The following GRM5 variants were observed in gnomAD, a reference collection of about 807,000 sequenced individuals.
GRM5 encodes glutamate metabotropic receptor 5.
In GRM5, 19 loss-of-function variants were observed where a neutral mutation model predicts 83.1. That is an observed-to-expected ratio of 0.23 (90% CI 0.16 to 0.34). The LOEUF is 0.34. Ranked by LOEUF, GRM5 falls within the 10% of genes least tolerant of loss-of-function variation. The probability of loss-of-function intolerance (pLI) is 1.00; values close to 1 mark genes in which losing one functional copy is unlikely to be tolerated. For missense variants in GRM5, 1,160 were observed against 1,588.3 expected, an observed-to-expected ratio of 0.73 and a Z score of 4.58; for synonymous variants, 675 against 633.6, an observed-to-expected ratio of 1.07 and a Z score of -0.98.
At chr11:88,865,358 T>G (rs1480618887) in intron 2 of GRM5, among the ~76,000 whole-genome samples, 1 of 152,152 alleles carries the variant, frequency 6.6e-6, no homozygotes, top group African/African-American at 2.4e-5. Context: ...GCTAGCCTTA[T>G]GCAGAAAACG....
At chr11:88,641,592 T>C (rs764808102) in intron 4 of GRM5, among the ~76,000 whole-genome samples, 4 of 152,140 alleles carry the variant, frequency 2.6e-5, no homozygotes, top group Non-Finnish European at 4.4e-5. Flanking sequence ...CAAGATACAA[T>C]GGGGGTTTAG....
At chr11:88,802,875 T>G (rs1295877347) in intron 3 of GRM5, among the ~76,000 whole-genome samples, 1 of 151,676 alleles carries the variant, frequency 6.6e-6, no homozygotes, top group African/African-American at 2.4e-5. Context: ...ATCACAAGCA[T>G]TCTTATACAC....
chr11:88,508,730 G>T lies in GRM5; in HGVS notation c.3501C>A (p.Ser1167=). Residue 1167 remains serine (S), a synonymous_variant, in exon 10 of 10, where the codon TCC becomes TCA. Transcript: ENST00000305447. This position sits in a 1 kb window ranked among gnomAD's most constrained non-coding sequence, Gnocchi z 4.2. ...LEELVALTPP[S]PFRDSVDSGS... Reference sequence around the variant, plus strand: ...CCGAGTCCACCGAGTCTCTGAAGGGGGACGGCGGGGTGAGAGCCACCAGCT... The same window carrying T: ...CCGAGTCCACCGAGTCTCTGAAGGGTGACGGCGGGGTGAGAGCCACCAGCT... The T allele has an allele frequency of 6.3e-7, 1 of 1,585,168 alleles. No homozygotes were observed. The highest frequency in any genetic ancestry group is 8.6e-7 in the Non-Finnish European group (1 of 1,167,338).
At chr11:88,995,618 G>A (rs1239076511) in intron 2 of GRM5, among the ~76,000 whole-genome samples, 1 of 148,428 alleles carries the variant, frequency 6.7e-6, no homozygotes, top group African/African-American at 2.5e-5. Context: ...GTGCACCAAT[G>A]TTGTAGAATA....
intron 2 of GRM5, among the ~76,000 whole-genome samples, chr11:88,855,618 C>T (rs645327): frequency 0.76 from 115,320 of 151,766 alleles, 44,626 homozygotes; most frequent in East Asian, 0.99. Flanking sequence ...AACAACGATG[C>T]TGAATTTTTT....
At chr11:88,928,446 A>ATGTGTGTGTG (rs5793360) in intron 2 of GRM5, among the ~76,000 whole-genome samples, 8 of 144,698 alleles carry the variant, frequency 5.5e-5, no homozygotes, top group African/African-American at 2.0e-4. Flanking sequence ...AATCTATCAT[A>ATGTGTGTGTG]TGTGTGTGTG....
chr11:88,660,100 T>C (rs1939865941), intron 3 of GRM5, among the ~76,000 whole-genome samples: 1 of 152,194 alleles, frequency 6.6e-6, no homozygotes, highest in African/African-American at 2.4e-5. Flanking sequence ...GAGTCAACAG[T>C]CCATTAGGCA....
intron 2 of GRM5, among the ~76,000 whole-genome samples, chr11:88,992,151 A>T (rs149188005): frequency 0.022 from 3,297 of 152,320 alleles, 111 homozygotes; most frequent in African/African-American, 0.074. Context: ...ACCTACAATG[A>T]ACTCAAACAA....
intron 2 of GRM5, among the ~76,000 whole-genome samples, chr11:88,955,177 C>T (rs1938571407): frequency 6.6e-6 from 1 of 152,110 alleles, no homozygotes; most frequent in Admixed American, 6.5e-5. Context: ...GTAACTTGTT[C>T]AGTTACAGAA....
intron 2 of GRM5, among the ~76,000 whole-genome samples, chr11:88,896,526 G>A (rs1357177522): frequency 6.6e-6 from 1 of 151,770 alleles, no homozygotes; most frequent in African/African-American, 2.4e-5. Flanking sequence ...AATATAGAGA[G>A]GTTTATTTAT....
At chr11:88,646,331 C>A (rs191858502) in intron 4 of GRM5, among the ~76,000 whole-genome samples, 1 of 149,420 alleles carries the variant, frequency 6.7e-6, no homozygotes, top group African/African-American at 2.4e-5. Context: ...TTATTAAATT[C>A]GACTTATAAT....
At chr11:88,683,267 G>T (rs1437264568) in intron 3 of GRM5, among the ~76,000 whole-genome samples, 1 of 152,146 alleles carries the variant, frequency 6.6e-6, no homozygotes, top group Non-Finnish European at 1.5e-5. Flanking sequence ...TGGGGTATGG[G>T]TGTTTGTGAA....
intron 8 of GRM5, among the ~76,000 whole-genome samples, chr11:88,559,969 T>C (rs1942716836): frequency 6.6e-6 from 1 of 151,776 alleles, no homozygotes; most frequent in Non-Finnish European, 1.5e-5. Context: ...AATTGGTATC[T>C]AAGATGAGTA....
At chr11:88,805,253 G>A (rs542853644) in intron 3 of GRM5, among the ~76,000 whole-genome samples, 3 of 152,162 alleles carry the variant, frequency 2.0e-5, no homozygotes, top group South Asian at 2.1e-4. Context: ...GTGCAGTGGC[G>A]TAATCTCGGC....
At chr11:88,525,518 G>A in intron 8 of GRM5, 114 bp from the exon 9 acceptor site, 1 of 678,932 alleles carries the variant, frequency 1.5e-6, no homozygotes, top group Non-Finnish European at 2.6e-6. Context: ...CAAAATGGGG[G>A]TTCCTGCTTC....
At chr11:89,059,931 C>T (rs545739407) in intron 1 of GRM5, among the ~76,000 whole-genome samples, 2 of 152,130 alleles carry the variant, frequency 1.3e-5, no homozygotes, top group South Asian at 2.1e-4. Context: ...ATGCCATGTA[C>T]TGCTATAACC....
chr11:88,691,701 T>C (rs1940784425), intron 3 of GRM5, among the ~76,000 whole-genome samples: 1 of 152,188 alleles, frequency 6.6e-6, no homozygotes, highest in Non-Finnish European at 1.5e-5. Context: ...TTTTAGGGTT[T>C]ATCCTGAGTT....
chr11:88,928,902 G>GTGTATATA (rs1555043261), intron 2 of GRM5, among the ~76,000 whole-genome samples: 2 of 60,260 alleles, frequency 3.3e-5, no homozygotes, highest in South Asian at 5.3e-4. Flanking sequence ...ATGTGTATGT[G>GTGTATATA]TATATACACA....
At chr11:89,049,675 G>A (rs1470458051) in intron 1 of GRM5, among the ~76,000 whole-genome samples, 1 of 152,098 alleles carries the variant, frequency 6.6e-6, no homozygotes, top group Non-Finnish European at 1.5e-5. Context: ...GTCTTCCTAT[G>A]TACAGTGACA....
Sources: gnomAD v4.1 joint callset for allele counts (sites outside exome capture counted in the v4.1 genomes callset) on GRCh38, gnomAD v4.1.1 for gene constraint, Gnocchi (gnomAD v3.1) non-coding constraint, MANE v1.5 for transcripts, NCBI Gene and HGNC (gene_info 2026-07-23, HGNC 2026-07-21) for gene names.